PDPN: variants seen among roughly 807,000 people sequenced by gnomAD.
PDPN encodes podoplanin, also known as PA2.26 antigen.
PDPN carries 12 observed loss-of-function variants against 23.2 expected under a neutral mutation model. The ratio of observed to expected loss-of-function variants is 0.52; its 90% CI spans 0.33 to 0.84. PDPN has a LOEUF of 0.84. Ranked by LOEUF, PDPN falls within the 40% of genes least tolerant of loss-of-function variation. The pLI is 0.02. For synonymous variants in PDPN, 77 were observed against 76.7 expected, an observed-to-expected ratio of 1.00 and a Z score of -0.02; for missense variants, 199 against 212.2, an observed-to-expected ratio of 0.94 and a Z score of 0.39.
intron 1 of PDPN, among the ~76,000 whole-genome samples, chr1:13,588,806 G>A (rs1488519206): frequency 1.3e-5 from 2 of 151,526 alleles, no homozygotes; most frequent in African/African-American, 4.9e-5. Context: ...AGCCTCCTGA[G>A]TATCTGGGAC....
chr1:13,600,996 T>A (rs1045089662), intron 1 of PDPN, among the ~76,000 whole-genome samples: 2 of 152,204 alleles, frequency 1.3e-5, no homozygotes, highest in Non-Finnish European at 1.5e-5. Flanking sequence ...AAACCCTACA[T>A]TGTGAGTAGC....
chr1:13,607,737 T>C (rs2100268689), intron 2 of PDPN, among the ~76,000 whole-genome samples: 1 of 152,312 alleles, frequency 6.6e-6, no homozygotes, highest in East Asian at 1.9e-4. Context: ...TTCCAATCTG[T>C]TACAGCCCAA....
chr1:13,583,883 C>T lies in PDPN; in HGVS notation c.-151C>T, dbSNP rs141254869. ...CTAGGGTCTGGGAAGCTCGGGCACC[C>T]TCCCTCTCCGGGGCTCCTGCTCCCA... On this transcript the variant is annotated 5_prime_UTR_variant, in exon 1 of 6. Transcript: ENST00000621990. The T allele has an allele frequency of 2.5e-5, 40 of 1,610,230 alleles. No individual in the cohort carries two copies. The African/African-American group carries it at 4.7e-4, about 19-fold the overall frequency.
intron 1 of PDPN, among the ~76,000 whole-genome samples, chr1:13,603,539 A>G (rs1012382303): frequency 1.3e-5 from 2 of 152,012 alleles, no homozygotes; most frequent in African/African-American, 4.8e-5. Context: ...ACCCCAAGTG[A>G]CAGTTGATTT....
rs142084255 is a variant in PDPN, at chr1:13,583,924, C to G, written c.-110C>G. The G allele has an allele frequency of 3.0e-5, 49 of 1,612,834 alleles. No homozygotes were observed. The African/African-American group carries it at 4.9e-4, about 16-fold the overall frequency. ...CCTGCTCCCACCCCTCCGGCCCCCC[C>G]ACCGTCGCGCTCCTCCAGGCTGGGC... is the stretch of plus-strand genomic sequence containing the variant. On this transcript the variant is annotated 5_prime_UTR_variant, in exon 1 of 6. Transcript: ENST00000621990.
intron 1 of PDPN, among the ~76,000 whole-genome samples, chr1:13,602,857 C>T (rs938898193): frequency 2.0e-5 from 3 of 152,148 alleles, no homozygotes; most frequent in Admixed American, 6.5e-5. Flanking sequence ...CGTGAGCCAC[C>T]GTGCCTGGCC....
chr1:13,609,666 A>C (rs1243434971), intron 2 of PDPN, among the ~76,000 whole-genome samples: 2 of 152,172 alleles, frequency 1.3e-5, no homozygotes, highest in African/African-American at 4.8e-5. Flanking sequence ...CACCTCATGT[A>C]AGTGGAATCA....
chr1:13,615,613 G>A (rs1420785806), intron 5 of PDPN, among the ~76,000 whole-genome samples: 1 of 152,084 alleles, frequency 6.6e-6, no homozygotes, highest in Non-Finnish European at 1.5e-5. Flanking sequence ...ATGAGTTGGA[G>A]GGATGATATA....
At chr1:13,606,932 A>G (rs1179019257) in intron 1 of PDPN, among the ~76,000 whole-genome samples, 1 of 152,094 alleles carries the variant, frequency 6.6e-6, no homozygotes, top group African/African-American at 2.4e-5. Flanking sequence ...TGGCTGCTCT[A>G]CCTTTTAATG....
At chr1:13,593,113 C>T (rs934486203) in intron 1 of PDPN, among the ~76,000 whole-genome samples, 1 of 152,116 alleles carries the variant, frequency 6.6e-6, no homozygotes. Context: ...GAGAAGAGAG[C>T]ACTTAAAAGA....
intron 1 of PDPN, among the ~76,000 whole-genome samples, chr1:13,587,187 CTTTT>C (rs1640204583): frequency 6.6e-6 from 1 of 152,140 alleles, no homozygotes; most frequent in Non-Finnish European, 1.5e-5. Flanking sequence ...CCATAATGTT[CTTTT>C]AAGAATGAAA....
At chr1:13,593,606 T>C (rs1195036168) in intron 1 of PDPN, among the ~76,000 whole-genome samples, 1 of 152,330 alleles carries the variant, frequency 6.6e-6, no homozygotes, top group Non-Finnish European at 1.5e-5. Flanking sequence ...CTCATCCTCC[T>C]GGGCTCACAG....
intron 1 of PDPN, among the ~76,000 whole-genome samples, chr1:13,597,221 A>G (rs1490201453): frequency 6.6e-6 from 1 of 152,218 alleles, no homozygotes; most frequent in East Asian, 1.9e-4. Flanking sequence ...TATGAATTTT[A>G]AAAATATTCT....
intron 5 of PDPN, 97 bp downstream of exon 5, chr1:13,614,508 GGT>G: frequency 1.3e-6 from 1 of 746,552 alleles, no homozygotes; most frequent in Non-Finnish European, 2.4e-6. Flanking sequence ...ATATAAGCTG[GGT>G]GTGGTGGCTC....
intron 1 of PDPN, chr1:13,585,571 A>ATT (rs776916335): frequency 1.5e-6 from 2 of 1,351,962 alleles, no homozygotes; most frequent in African/African-American, 3.0e-5. Context: ...GCTGCTGGGT[A>ATT]ACATCCTTTG....
Position 13,613,252 on chromosome 1 carries a change from A to ACT in PDPN, c.332-434_332-433dup, listed in dbSNP as rs1179825856. 2.0e-5 allele frequency among the ~76,000 whole-genome samples: 3 copies of ACT among 152,210 alleles called. No homozygotes were observed. In the East Asian group the frequency reaches 5.8e-4, roughly 29 times the overall value. ...CACAATCTTGGTCACATCTTCCCAAACTAAAGTATTAATCTCAAAGTGAGT... is the reference window on the plus strand; with the variant it reads ...CACAATCTTGGTCACATCTTCCCAAACTCTAAAGTATTAATCTCAAAGTGAGT... On this transcript the variant is annotated intron_variant, in intron 3 of 5. Coordinates refer to ENST00000621990, the MANE Select transcript of PDPN (RefSeq NM_006474.5).
In PDPN at chr1:13,610,379, T is replaced by C; in HGVS notation, c.202-8T>C. 6.2e-7 allele frequency: 1 copy of C among 1,611,808 alleles called. No homozygotes were observed. ...TTTCCTGTTTTTCCTCATTTACACC[T>C]ACAATAGGTGGCAACAAGTGTCAAC... On this transcript the variant is annotated splice_polypyrimidine_tract_variant and splice_region_variant and intron_variant, in intron 2 of 5. Coordinates refer to ENST00000621990, the MANE Select transcript of PDPN (RefSeq NM_006474.5).
intron 3 of PDPN, among the ~76,000 whole-genome samples, chr1:13,610,876 A>C (rs746189377): frequency 6.6e-6 from 1 of 152,238 alleles, no homozygotes; most frequent in Non-Finnish European, 1.5e-5. Flanking sequence ...AATAGATTCT[A>C]TATGAATACT....
At chr1:13,588,811 T>C (rs1640254411) in intron 1 of PDPN, among the ~76,000 whole-genome samples, 1 of 151,654 alleles carries the variant, frequency 6.6e-6, no homozygotes, top group Non-Finnish European at 1.5e-5. Flanking sequence ...CCTGAGTATC[T>C]GGGACCACAG....
Sources: allele counts gnomAD v4.1 joint callset (sites outside exome capture counted in the v4.1 genomes callset), GRCh38; gene constraint gnomAD v4.1.1; transcripts MANE v1.5; gene names NCBI Gene and HGNC (gene_info 2026-07-23, HGNC 2026-07-21).